The following CALM3 variants were observed in gnomAD, a reference collection of about 807,000 sequenced individuals.
CALM3 encodes the protein calmodulin-3.
CALM3 carries 5 observed loss-of-function variants against 20.1 expected under a neutral mutation model. The observed-to-expected ratio is 0.25, with a 90% CI of 0.13 to 0.52. The LOEUF is 0.52. Among genes scored for constraint, CALM3 ranks in the 20% least tolerant of loss-of-function variants. The pLI, the probability that CALM3 is intolerant of heterozygous loss-of-function variation, is 0.96. For missense variants in CALM3, 57 were observed against 192.8 expected (o/e 0.30, Z 4.17); for synonymous variants, 69 against 68.1 (o/e 1.01, Z -0.06).
At position 46,608,988 on chromosome 19, in the gene CALM3, C is replaced by G; in HGVS notation, c.421+7C>G. The stretch of plus-strand genomic sequence containing the variant: ...GGCCAGGTCAATTATGAAGGTGAGT[C>G]AAGGCCAGGCTTGATCTCTGGAACA... On this transcript the variant is annotated splice_region_variant and intron_variant, in intron 5 of 5. Coordinates refer to ENST00000291295, the MANE Select transcript of CALM3 (RefSeq NM_005184.4). The surrounding 1 kb of genome is among the most constrained non-coding windows in gnomAD (Gnocchi z 5.5). 1.2e-6 allele frequency: 2 copies of G among 1,601,478 alleles called. No individual in the cohort carries two copies. Among genetic ancestry groups the G allele is most frequent in the African/African-American group, 1.3e-5 (1 of 74,672 alleles).
intron 1 of CALM3, among the ~76,000 whole-genome samples, chr19:46,604,899 G>A (rs899579225): frequency 1.3e-5 from 2 of 148,738 alleles, no homozygotes; most frequent in Non-Finnish European, 3.0e-5. Flanking sequence ...CCCCAGCCCC[G>A]CTCCTGCCCC....
At chr19:46,601,235 G>A (rs1971603664), upstream of CALM3, 1 of 284,652 alleles carries the variant, frequency 3.5e-6, no homozygotes, top group African/African-American at 2.3e-5. The surrounding 1 kb of genome is among the most constrained non-coding windows in gnomAD (Gnocchi z 4.2). Flanking sequence ...GCGCGGGCCG[G>A]GTGGGGCGGG....
upstream of CALM3, chr19:46,601,127 C>T: frequency 2.7e-6 from 2 of 740,412 alleles, no homozygotes; most frequent in Non-Finnish European, 4.3e-6. The surrounding 1 kb of genome is among the most constrained non-coding windows in gnomAD (Gnocchi z 4.2). Flanking sequence ...CGCCCGGCGG[C>T]AAACCCAATT....
rs762484332 is a variant in CALM3 at position 46,608,487 on chromosome 19, G to A, written c.184G>A (p.Gly62Arg). ...ATCCTTTCCCCACCTTCCAGGGAACGGGACCATTGACTTCCCGGAGTTCCT... is the reference window on the plus strand; with the variant it reads ...ATCCTTTCCCCACCTTCCAGGGAACAGGACCATTGACTTCCCGGAGTTCCT... Reference protein sequence around the residue: ...MINEVDADGNGTIDFPEFLTM... With the variant: ...MINEVDADGNRTIDFPEFLTM... Residue 62 changes from glycine to arginine, a missense_variant, in exon 4 of 6, where the codon GGG becomes AGG. Gly to Arg is a moderately radical substitution (Grantham distance 125, BLOSUM62 -2). Transcript: ENST00000291295. The surrounding 1 kb of genome is among the most constrained non-coding windows in gnomAD (Gnocchi z 5.5). 2 of 1,613,790 alleles carry A rather than the reference G, an allele frequency of 1.2e-6. No homozygotes were observed. The highest frequency in any genetic ancestry group is 1.7e-6 in the Non-Finnish European group (2 of 1,179,666).
In CALM3 at chr19:46,608,125, C is replaced by A; in HGVS notation, c.35-72C>A. On this transcript the variant is annotated intron_variant, in intron 2 of 5. Coordinates refer to ENST00000291295, the MANE Select transcript of CALM3 (RefSeq NM_005184.4). This position sits in a 1 kb window ranked among gnomAD's most constrained non-coding sequence, Gnocchi z 5.5. ...GCCCTTGGCCTTCCTCCAGGGAAGG[C>A]ATCCAGCATCCAGAGGTAAGGATTC... 6.8e-7 allele frequency: 1 copy of A among 1,476,438 alleles called. No individual in the cohort carries two copies. Among genetic ancestry groups the A allele is most frequent in the Non-Finnish European group, 9.2e-7 (1 of 1,084,484 alleles). The allele number at this position is 1,476,438 out of a possible 1,614,324, so 91.5% of individuals were successfully genotyped here.
At position 46,609,388 on chromosome 19, in the gene CALM3, C is replaced by A; in HGVS notation, c.*235C>A. ...TTCCTTTTGCCCTCGCCTCTTCCAT[C>A]CATGTCTTCCAAGGCCTGATGCATT... On this transcript the variant is annotated 3_prime_UTR_variant, in exon 6 of 6. Coordinates refer to ENST00000291295, the MANE Select transcript of CALM3 (RefSeq NM_005184.4). 1.7e-6 allele frequency: 1 copy of A among 598,096 alleles called. No individual in the cohort carries two copies. Among genetic ancestry groups the A allele is most frequent in the Non-Finnish European group, 3.0e-6 (1 of 334,536 alleles). 37.0% of individuals were successfully genotyped at this position (598,096 alleles called of 1,614,324 possible).
chr19:46,609,392 G>A lies in CALM3; in HGVS notation c.*239G>A, dbSNP rs1432048286. On this transcript the variant is annotated 3_prime_UTR_variant, in exon 6 of 6. Coordinates refer to ENST00000291295, the MANE Select transcript of CALM3 (RefSeq NM_005184.4). ...TTTTGCCCTCGCCTCTTCCATCCAT[G>A]TCTTCCAAGGCCTGATGCATTCATA... 1.0e-5 allele frequency: 6 copies of A among 587,858 alleles called. No individual in the cohort carries two copies. The highest frequency in any genetic ancestry group is 2.9e-5 in the East Asian group (1 of 35,048). The allele number at this position is 587,858 out of a possible 1,614,324, so 36.4% of individuals were successfully genotyped here. A position where few individuals can be genotyped will look rare whatever the true frequency, so the allele number is the denominator to read the frequency against.
chr19:46,605,422 G>A lies in CALM3; in HGVS notation c.4-405G>A, dbSNP rs183538501. ...TCTTGATGAGGCCTCCAGGGCAATC[G>A]TTCCCTTCACTCGGCCTCTGGGGCT... On this transcript the variant is annotated intron_variant, in intron 1 of 5. Transcript: ENST00000291295. This position sits in a 1 kb window ranked among gnomAD's most constrained non-coding sequence, Gnocchi z 4.1. The A allele has an allele frequency of 5.5e-4, 111 of 200,502 alleles. No homozygotes were observed. The highest frequency in any genetic ancestry group is 9.1e-4 in the Non-Finnish European group (89 of 98,094). The allele number at this position is 200,502 out of a possible 1,614,324, so 12.4% of individuals were successfully genotyped here.
chr19:46,604,524 C>T (rs1971699887), intron 1 of CALM3, among the ~76,000 whole-genome samples: 1 of 148,496 alleles, frequency 6.7e-6, no homozygotes, highest in African/African-American at 2.5e-5. Context: ...CTATTTGGGG[C>T]TTGCAAGTTC....
chr19:46,601,202 C>T (rs935930926), upstream of CALM3: 4 of 299,530 alleles, frequency 1.3e-5, no homozygotes, highest in African/African-American at 9.1e-5. The surrounding 1 kb of genome is among the most constrained non-coding windows in gnomAD (Gnocchi z 4.2). Context: ...CGGAGGGATC[C>T]GTGGGAGCCG....
chr19:46,602,098 G>A, intron 1 of CALM3: 1 of 1,311,422 alleles, frequency 7.6e-7, no homozygotes, highest in Non-Finnish European at 1.0e-6. Flanking sequence ...AGGGTGAGGT[G>A]CAAGCTTATG....
At chr19:46,606,234 T>C (rs761045145) in intron 2 of CALM3, 2 of 212,506 alleles carry the variant, frequency 9.4e-6, no homozygotes, top group African/African-American at 2.3e-5. Context: ...TGTCCCACTT[T>C]AGGAGCCGCC....
chr19:46,607,970 C>CACCT (rs1971778344), intron 2 of CALM3: 2 of 469,780 alleles, frequency 4.3e-6, no homozygotes, highest in Non-Finnish European at 7.5e-6. Flanking sequence ...AAAATAGCTT[C>CACCT]ACCTAGCACA....
Position 46,601,481 on chromosome 19 carries a change from G to T in CALM3, c.3+44G>T, listed in dbSNP as rs1210372531. On this transcript the variant is annotated intron_variant, in intron 1 of 5. Transcript: ENST00000291295. This position sits in a 1 kb window ranked among gnomAD's most constrained non-coding sequence, Gnocchi z 4.2. ...TCGCCGAGGCTGCGGGCTCTGAGGC[G>T]GGCTTAACGGGGCAGGACCCCTGAG... 6.9e-7 allele frequency: 1 copy of T among 1,444,322 alleles called. No individual in the cohort carries two copies. 89.5% of individuals were successfully genotyped at this position (1,444,322 alleles called of 1,614,324 possible). A position where few individuals can be genotyped will look rare whatever the true frequency, so the allele number is the denominator to read the frequency against.
At chr19:46,601,238 G>C (rs1365775372), upstream of CALM3, 2 of 295,660 alleles carry the variant, frequency 6.8e-6, no homozygotes, top group Non-Finnish European at 1.1e-5. This position sits in a 1 kb window ranked among gnomAD's most constrained non-coding sequence, Gnocchi z 4.2. Context: ...CGGGCCGGGT[G>C]GGGCGGGGCC....
At position 46,608,947 on chromosome 19, in the gene CALM3, T is replaced by C. The variant is rs1271316314; in HGVS notation, c.387T>C (p.Ala129=). 6.2e-7 allele frequency: 1 copy of C among 1,608,260 alleles called. No individual in the cohort carries two copies. The highest frequency in any genetic ancestry group is 1.3e-5 in the African/African-American group (1 of 74,938). Residue 129 remains alanine, a synonymous_variant, in exon 5 of 6, where the codon GCT becomes GCC. Transcript: ENST00000291295. This position sits in a 1 kb window ranked among gnomAD's most constrained non-coding sequence, Gnocchi z 5.5. ...DEEVDEMIRE[A]DIDGDGQVNY... is the part of the protein sequence containing the mutation. ...AGGTGGATGAGATGATCAGGGAGGC[T>C]GACATCGATGGAGATGGCCAGGTCA...
Position 46,610,782 on chromosome 19 carries a change from A to C in CALM3, c.*1629A>C, listed in dbSNP as rs949256077. 2.6e-5 allele frequency: 4 copies of C among 152,574 alleles called. No individual in the cohort carries two copies. The highest frequency in any genetic ancestry group is 9.7e-5 in the African/African-American group (4 of 41,380). The allele number at this position is 152,574 out of a possible 1,614,324, so 9.5% of individuals were successfully genotyped here. On this transcript the variant is annotated 3_prime_UTR_variant, in exon 6 of 6. Transcript: ENST00000291295. ...TCCAATAAAATACAGTGACTACCTG[A>C]TTTGGCTCCTCTCCTCCTGTCTCAG...
Position 46,601,905 on chromosome 19 carries a change from G to A in CALM3, c.3+468G>A, listed in dbSNP as rs1971627300. On this transcript the variant is annotated intron_variant, in intron 1 of 5. Transcript: ENST00000291295. This position sits in a 1 kb window ranked among gnomAD's most constrained non-coding sequence, Gnocchi z 4.2. ...GGGGAACGGGGGACGAAGGGAGGCT[G>A]GGCTGCTCCTGGATGGGGTGGTGGA... is the stretch of plus-strand genomic sequence containing the variant. Among the ~76,000 whole-genome samples, 1 of 151,972 alleles carries A rather than the reference G, an allele frequency of 6.6e-6. No homozygotes were observed. The highest frequency in any genetic ancestry group is 1.5e-5 in the Non-Finnish European group (1 of 67,986).
intron 2 of CALM3, among the ~76,000 whole-genome samples, chr19:46,606,628 T>G (rs1971748591): frequency 6.6e-6 from 1 of 152,182 alleles, no homozygotes; most frequent in Non-Finnish European, 1.5e-5. Context: ...CTCCGCAAAC[T>G]TTTGCTGGCT....
Sources: allele counts gnomAD v4.1 joint callset (sites outside exome capture counted in the v4.1 genomes callset), GRCh38; gene constraint gnomAD v4.1.1; non-coding constraint Gnocchi (gnomAD v3.1); transcripts MANE v1.5; gene names NCBI Gene and HGNC (gene_info 2026-07-23, HGNC 2026-07-21).